The following TNFRSF9 variants were observed in gnomAD, a reference collection of about 807,000 sequenced individuals.
TNFRSF9 encodes TNF receptor superfamily member 9.
A neutral mutation model predicts 28.8 loss-of-function variants in TNFRSF9; 16 were observed. The observed-to-expected ratio is 0.55, with a 90% CI of 0.38 to 0.84. The LOEUF is 0.84. Ranked by LOEUF, TNFRSF9 falls within the 40% of genes least tolerant of loss-of-function variation. TNFRSF9 has a pLI of 0.00. For synonymous variants in TNFRSF9, 131 were observed against 117.0 expected (o/e 1.12, Z -0.77); for missense variants, 303 against 315.0 (o/e 0.96, Z 0.29).
At chr1:7,921,393 C>T (rs9434555) in intron 7 of TNFRSF9, among the ~76,000 whole-genome samples, 82,442 of 151,168 alleles carry the variant, frequency 0.55, 24,080 homozygotes, top group South Asian at 0.72. Flanking sequence ...ACAGGCCGGG[C>T]GCAGTGGCTC....
At chr1:7,922,221 A>G (rs1639570417) in intron 7 of TNFRSF9, among the ~76,000 whole-genome samples, 1 of 152,206 alleles carries the variant, frequency 6.6e-6, no homozygotes, top group Non-Finnish European at 1.5e-5. Flanking sequence ...GAACTTATGA[A>G]AAACTGGCAA....
rs1296270454 is a variant in TNFRSF9, at chr1:7,938,722, T to C, written c.207A>G (p.Lys69=). Residue 69 remains lysine, a splice_region_variant and synonymous_variant, in exon 3 of 8, where the codon AAA becomes AAG. Coordinates refer to ENST00000377507, the MANE Select transcript of TNFRSF9 (RefSeq NM_001561.6). ...QRTCDICRQC[K]GVFRTRKECS... is the part of the protein sequence containing the mutation. ...AAGAAAATATCTTTGAACTCATACC[T>C]TTACACTGCCTGCATATGTCACAGG... 2 of 1,609,370 alleles carry C rather than the reference T, an allele frequency of 1.2e-6. No homozygotes were observed. The highest frequency in any genetic ancestry group is 2.2e-5 in the East Asian group (1 of 44,816).
intron 2 of TNFRSF9, among the ~76,000 whole-genome samples, chr1:7,939,158 A>G (rs1388858076): frequency 6.6e-6 from 1 of 152,050 alleles, no homozygotes; most frequent in African/African-American, 2.4e-5. Flanking sequence ...TGTCTCTACT[A>G]AAAATACAAA....
intron 5 of TNFRSF9, among the ~76,000 whole-genome samples, chr1:7,935,655 A>C (rs896131380): frequency 6.6e-6 from 1 of 152,148 alleles, no homozygotes; most frequent in Non-Finnish European, 1.5e-5. Context: ...GCAAGACCCC[A>C]TCTCTACAAA....
At chr1:7,929,230 A>G (rs1451048550) in intron 7 of TNFRSF9, among the ~76,000 whole-genome samples, 1 of 134,572 alleles carries the variant, frequency 7.4e-6, no homozygotes, top group Admixed American at 9.1e-5. Flanking sequence ...GCAGGATGCG[A>G]TATCAGCTCA....
chr1:7,929,153 TTTTCC>T (rs1445732441), intron 7 of TNFRSF9, among the ~76,000 whole-genome samples: 4 of 64,020 alleles, frequency 6.2e-5, no homozygotes, highest in African/African-American at 5.2e-4. Flanking sequence ...TTTTTTTTCT[TTTTCC>T]TTTTTTTTTT....
At chr1:7,938,879 C>T in intron 2 of TNFRSF9, 51 bp from the exon 3 acceptor site, 1 of 1,294,114 alleles carries the variant, frequency 7.7e-7, no homozygotes, top group Non-Finnish European at 1.1e-6. Flanking sequence ...GCAATCGTCA[C>T]CCAAGGCATT....
At chr1:7,923,369 C>T (rs2151411958) in intron 7 of TNFRSF9, among the ~76,000 whole-genome samples, 1 of 152,270 alleles carries the variant, frequency 6.6e-6, no homozygotes, top group East Asian at 1.9e-4. Context: ...TCAGAGGAGG[C>T]CTAGTGGGAG....
chr1:7,939,815 T>A, intron 2 of TNFRSF9, 80 bp downstream of exon 2: 1 of 1,009,720 alleles, frequency 9.9e-7, no homozygotes, highest in Non-Finnish European at 1.4e-6. Context: ...AAAAGGGAGC[T>A]CGTTAGCCCT....
rs909385604 is a variant in TNFRSF9, at chr1:7,930,072, C to A, written c.679+3090G>T. On this transcript the variant is annotated intron_variant, in intron 7 of 7. Coordinates refer to ENST00000377507, the MANE Select transcript of TNFRSF9 (RefSeq NM_001561.6). ...GCAACCTCCACCTCCCGGGTTCAAG[C>A]GATTCTCCTGTCTCAGCCTCCTGAG... 3.4e-5 allele frequency among the ~76,000 whole-genome samples: 5 copies of A among 147,794 alleles called. No homozygotes were observed. In the Admixed American group the frequency reaches 3.5e-4, roughly 10 times the overall value.
At chr1:7,928,983 A>C (rs1193708094) in intron 7 of TNFRSF9, among the ~76,000 whole-genome samples, 2 of 152,092 alleles carry the variant, frequency 1.3e-5, no homozygotes, top group Non-Finnish European at 2.9e-5. Context: ...TTTCTTATGC[A>C]TGCATGCCTG....
At position 7,935,103 on chromosome 1, in the gene TNFRSF9, T is replaced by C. The variant is rs781254753; in HGVS notation, c.454A>G (p.Lys152Glu). 1.8e-5 allele frequency: 29 copies of C among 1,614,128 alleles called. No homozygotes were observed. The South Asian group carries it at 2.6e-4, about 15-fold the overall frequency. Residue 152 changes from lysine (K) to glutamate (E), a missense_variant, in exon 6 of 8, where the codon AAG (lysine) becomes GAG (glutamate). Coordinates refer to ENST00000377507, the MANE Select transcript of TNFRSF9 (RefSeq NM_001561.6). ...GGTCCACAGACCACGTCCCTCTCCT[T>C]CGTCCCATTCACAAGCACAGACTTT... is the stretch of plus-strand genomic sequence containing the variant. Reference protein sequence around the residue: ...DGKSVLVNGTKERDVVCGPSP... With the variant: ...DGKSVLVNGTEERDVVCGPSP...
intron 5 of TNFRSF9, among the ~76,000 whole-genome samples, chr1:7,936,151 C>T (rs1279547243): frequency 6.6e-6 from 1 of 152,068 alleles, no homozygotes; most frequent in African/African-American, 2.4e-5. Context: ...CACAGTGGCT[C>T]ACACCTGTAA....
At chr1:7,932,934 C>T (rs1475644366) in intron 7 of TNFRSF9, among the ~76,000 whole-genome samples, 3 of 152,174 alleles carry the variant, frequency 2.0e-5, no homozygotes. Context: ...TTGCTGACCT[C>T]TACTCACTAG....
At chr1:7,938,462 T>A in intron 3 of TNFRSF9, 132 bp from the exon 4 acceptor site, 1 of 1,040,456 alleles carries the variant, frequency 9.6e-7, no homozygotes, top group Non-Finnish European at 1.3e-6. Flanking sequence ...AGTTTACTTT[T>A]AAATCTCCAT....
intron 7 of TNFRSF9, chr1:7,921,789 G>A (rs938102880): frequency 3.9e-5 from 6 of 152,096 alleles, no homozygotes; most frequent in African/African-American, 1.2e-4. Context: ...CCAAATATTT[G>A]TATTGGTCTT....
rs28792989 is a variant in TNFRSF9 at position 7,923,761 on chromosome 1, C to G, written c.680-2838G>C. On this transcript the variant is annotated intron_variant, in intron 7 of 7. Coordinates refer to ENST00000377507, the MANE Select transcript of TNFRSF9 (RefSeq NM_001561.6). The stretch of plus-strand genomic sequence containing the variant: ...GCTGAGGTGGGAGGATCACTTGAGC[C>G]CAGGAAGTTGAGGCTGCATTGAGGC... 9.4e-3 allele frequency among the ~76,000 whole-genome samples: 1,430 copies of G among 152,126 alleles called. 27 individuals are homozygous for G. The highest frequency in any genetic ancestry group is 0.033 in the African/African-American group (1,363 of 41,506).
chr1:7,933,026 G>C, intron 7 of TNFRSF9, 136 bp downstream of exon 7: 1 of 1,025,830 alleles, frequency 9.7e-7, no homozygotes, highest in Non-Finnish European at 1.4e-6. Context: ...TATTCCCAGG[G>C]ACGAAATTGC....
In TNFRSF9 at chr1:7,938,813, T is replaced by C; in HGVS notation, c.116A>G (p.Asn39Ser). ...SNCPAGTFCD[N>S]NRNQICSPCP... is the part of the protein sequence containing the mutation. Reference sequence around the variant, plus strand: ...GGGACTGCAAATCTGATTCCTGTTATTATCACAGAATGTACCTAAGAAAGG... The same window carrying C: ...GGGACTGCAAATCTGATTCCTGTTACTATCACAGAATGTACCTAAGAAAGG... The change falls in exon 3 of 8, where the codon AAT becomes AGT. Residue 39 changes from asparagine (N) to serine (S), a missense_variant. Asn to Ser is a conservative substitution (Grantham distance 46). Coordinates refer to ENST00000377507, the MANE Select transcript of TNFRSF9 (RefSeq NM_001561.6). 1.9e-6 allele frequency: 3 copies of C among 1,613,150 alleles called. No homozygotes were observed. Among genetic ancestry groups the C allele is most frequent in the Non-Finnish European group, 2.5e-6 (3 of 1,179,310 alleles).
Sources: gnomAD v4.1 joint callset for allele counts (sites outside exome capture counted in the v4.1 genomes callset) on GRCh38, gnomAD v4.1.1 for gene constraint, MANE v1.5 for transcripts, NCBI Gene and HGNC (gene_info 2026-07-23, HGNC 2026-07-21) for gene names.